The following PPP2R2B variants were observed in gnomAD, a reference collection of about 807,000 sequenced individuals.
The protein encoded by PPP2R2B is serine/threonine-protein phosphatase 2A 55 kDa regulatory subunit B beta isoform.
PPP2R2B carries 5 observed loss-of-function variants against 46.0 expected under a neutral mutation model. That is an observed-to-expected ratio of 0.11 (90% CI 0.06 to 0.23). The LOEUF is 0.23. PPP2R2B is among the 10% of genes least tolerant of loss of function. The probability of loss-of-function intolerance (pLI) is 1.00; values close to 1 mark genes in which losing one functional copy is unlikely to be tolerated. For missense variants in PPP2R2B, 367 were observed against 575.0 expected, an observed-to-expected ratio of 0.64 and a Z score of 3.70; for synonymous variants, 215 against 206.7, an observed-to-expected ratio of 1.04 and a Z score of -0.34.
intron 1 of PPP2R2B, among the ~76,000 whole-genome samples, chr5:146,999,200 G>A (rs1450137524): frequency 2.0e-5 from 3 of 152,084 alleles, no homozygotes; most frequent in East Asian, 3.9e-4. Context: ...AAAAGAAGAT[G>A]AGGCTCCTGC....
chr5:146,707,337 C>T, intron 2 of PPP2R2B: 1 of 930,278 alleles, frequency 1.1e-6, no homozygotes, highest in Non-Finnish European at 1.8e-6. Context: ...TGATCTGCTC[C>T]TTCTCCTGGG....
At chr5:146,983,343 G>A (rs1220899532) in intron 1 of PPP2R2B, among the ~76,000 whole-genome samples, 2 of 151,798 alleles carry the variant, frequency 1.3e-5, no homozygotes, top group Non-Finnish European at 2.9e-5. Context: ...ACCACGCCCG[G>A]CTAATTTTTT....
intron 1 of PPP2R2B, chr5:147,035,200 C>T (rs1755976306): frequency 2.2e-6 from 1 of 444,768 alleles, no homozygotes; most frequent in Admixed American, 2.4e-5. Context: ...TCTCAGGAAA[C>T]TTACAATCAT....
intron 2 of PPP2R2B, among the ~76,000 whole-genome samples, chr5:146,750,728 C>CA (rs1282256953): frequency 6.6e-6 from 1 of 152,142 alleles, no homozygotes; most frequent in African/African-American, 2.4e-5. Flanking sequence ...AGAACATGGG[C>CA]ACAGCATTGC....
intron 2 of PPP2R2B, among the ~76,000 whole-genome samples, chr5:146,832,889 T>C (rs1212555236): frequency 2.0e-5 from 3 of 151,980 alleles, no homozygotes; most frequent in Non-Finnish European, 4.4e-5. Flanking sequence ...GTAAGTACAC[T>C]CTGGTGTTCA....
chr5:147,055,714 G>A, exon 1 of PPP2R2B: 1 of 1,613,364 alleles, frequency 6.2e-7, no homozygotes, highest in South Asian at 1.1e-5. Context: ...GTCTGAAGAT[G>A]TAAGGCAGGT....
chr5:147,063,056 GGAAGA>G (rs1221191018), intron 2 of PPP2R2B, among the ~76,000 whole-genome samples: 2 of 149,042 alleles, frequency 1.3e-5, no homozygotes, highest in Admixed American at 6.7e-5. Flanking sequence ...AGAAGGGAAG[GGAAGA>G]GAAGAGAAGG....
intron 2 of PPP2R2B, among the ~76,000 whole-genome samples, chr5:146,780,399 G>T (rs1383648212): frequency 6.6e-6 from 1 of 152,184 alleles, no homozygotes; most frequent in East Asian, 1.9e-4. Flanking sequence ...ACCAATGTTT[G>T]CTGAATGCCT....
chr5:146,974,101 C>G (rs1752784276), intron 1 of PPP2R2B, among the ~76,000 whole-genome samples: 1 of 152,098 alleles, frequency 6.6e-6, no homozygotes, highest in Non-Finnish European at 1.5e-5. Flanking sequence ...TCTTGTAGAT[C>G]TATTTGGAAT....
chr5:146,619,554 A>G (rs1193051130), intron 7 of PPP2R2B, among the ~76,000 whole-genome samples: 3 of 152,248 alleles, frequency 2.0e-5, no homozygotes, highest in Admixed American at 2.0e-4. Context: ...GGGCTCCAGC[A>G]CAGCCAGACT....
At chr5:146,609,773 C>G (rs1232938083) in intron 7 of PPP2R2B, among the ~76,000 whole-genome samples, 1 of 137,432 alleles carries the variant, frequency 7.3e-6, no homozygotes, top group African/African-American at 2.9e-5. Context: ...CCGAATATTG[C>G]GCTTTTCAGA....
intron 2 of PPP2R2B, among the ~76,000 whole-genome samples, chr5:146,780,750 C>G (rs1755460058): frequency 6.6e-6 from 1 of 152,102 alleles, no homozygotes; most frequent in Non-Finnish European, 1.5e-5. Context: ...AGTTGCTAGT[C>G]CATGAGTCCA....
At chr5:146,629,526 AG>A (rs1442022850) in intron 7 of PPP2R2B, among the ~76,000 whole-genome samples, 3 of 152,124 alleles carry the variant, frequency 2.0e-5, no homozygotes, top group Admixed American at 6.5e-5. Flanking sequence ...TCTGCTTTCC[AG>A]GCCTGGCACC....
At chr5:146,838,342 TG>T (rs1759420073) in intron 2 of PPP2R2B, among the ~76,000 whole-genome samples, 1 of 151,252 alleles carries the variant, frequency 6.6e-6, no homozygotes, top group Non-Finnish European at 1.5e-5. Flanking sequence ...GAGGCCAAGG[TG>T]GGTAGATCTC....
chr5:146,939,724 T>G (rs1764263059), intron 1 of PPP2R2B, among the ~76,000 whole-genome samples: 1 of 152,328 alleles, frequency 6.6e-6, no homozygotes. Flanking sequence ...CATTTGGTAT[T>G]TGTATTTTAT....
intron 2 of PPP2R2B, among the ~76,000 whole-genome samples, chr5:146,733,368 C>T (rs1387994063): frequency 6.6e-6 from 1 of 152,172 alleles, no homozygotes; most frequent in Non-Finnish European, 1.5e-5. Context: ...GGGTGAGGGG[C>T]TTCTTCCAGT....
At chr5:146,708,993 A>G (rs1316109013) in intron 2 of PPP2R2B, among the ~76,000 whole-genome samples, 1 of 152,238 alleles carries the variant, frequency 6.6e-6, no homozygotes, top group Admixed American at 6.5e-5. Context: ...AGTAGTAAAT[A>G]CACAGTTCTG....
chr5:146,966,052 T>C (rs148770975), intron 1 of PPP2R2B, among the ~76,000 whole-genome samples: 61 of 152,276 alleles, frequency 4.0e-4, no homozygotes, highest in African/African-American at 1.4e-3. Flanking sequence ...ATTTCAGACA[T>C]AAAATGCAAG....
upstream of PPP2R2B, among the ~76,000 whole-genome samples, chr5:146,882,891 T>G (rs1762210986): frequency 6.6e-6 from 1 of 152,256 alleles, no homozygotes; most frequent in Non-Finnish European, 1.5e-5. Context: ...CACAGCCTTC[T>G]TATGTTACCC....
Sources: allele counts gnomAD v4.1 joint callset (sites outside exome capture counted in the v4.1 genomes callset), GRCh38; gene constraint gnomAD v4.1.1; transcripts MANE v1.5; gene names NCBI Gene and HGNC (gene_info 2026-07-23, HGNC 2026-07-21).